OSBPL10: variants seen among roughly 807,000 people sequenced by gnomAD.
OSBPL10 encodes the protein oxysterol-binding protein-related protein 10.
OSBPL10 carries 49 observed loss-of-function variants against 81.7 expected under a neutral mutation model. The observed-to-expected ratio is 0.60, with a 90% CI of 0.48 to 0.76. OSBPL10 has a LOEUF of 0.76. Ranked by LOEUF, OSBPL10 falls within the 30% of genes least tolerant of loss-of-function variation. The probability of loss-of-function intolerance (pLI) is 0.00; values close to 1 mark genes in which losing one functional copy is unlikely to be tolerated. For synonymous variants in OSBPL10, 419 were observed against 383.6 expected, an observed-to-expected ratio of 1.09 and a Z score of -1.08; for missense variants, 923 against 987.8, an observed-to-expected ratio of 0.93 and a Z score of 0.88.
intron 4 of OSBPL10, among the ~76,000 whole-genome samples, chr3:31,760,251 A>G (rs1697994124): frequency 6.6e-6 from 1 of 152,054 alleles, no homozygotes; most frequent in Non-Finnish European, 1.5e-5. Context: ...GTGAAAGGAG[A>G]GGCAGTCACA....
At chr3:31,894,212 G>T (rs1695990796) in intron 1 of OSBPL10, among the ~76,000 whole-genome samples, 1 of 152,206 alleles carries the variant, frequency 6.6e-6, no homozygotes, top group African/African-American at 2.4e-5. Context: ...AGCGGTCGGA[G>T]TTGGAGATGT....
intron 1 of OSBPL10, among the ~76,000 whole-genome samples, chr3:31,964,844 C>A (rs538812886): frequency 6.6e-6 from 1 of 152,088 alleles, no homozygotes. Context: ...AAAGAACACA[C>A]AAATTCAGGG....
chr3:31,802,557 A>G (rs1417839267), intron 4 of OSBPL10, among the ~76,000 whole-genome samples: 1 of 149,582 alleles, frequency 6.7e-6, no homozygotes, highest in African/African-American at 2.5e-5. Context: ...ATCAAAAAAA[A>G]AAAAAAAAAA....
rs1291472429 is a variant in OSBPL10 at position 31,757,260 on chromosome 3, CTTGAGGGT to C, written c.730-9148_730-9141del. Among the ~76,000 whole-genome samples the C allele has an allele frequency of 9.2e-5, 14 of 152,226 alleles. No individual in the cohort carries two copies. In the East Asian group the frequency reaches 2.7e-3, roughly 29 times the overall value. On this transcript the variant is annotated intron_variant, in intron 4 of 11. Transcript: ENST00000396556. ...TAAAGGGAATCAAGATAAATAAGAT[CTTGAGGGT>C]GGTCCCTAATCCGGTATGACTGGTG...
rs187455431 is a variant in OSBPL10 at position 31,870,220 on chromosome 3, C to G, written c.537+6213G>C. Among the ~76,000 whole-genome samples the G allele has an allele frequency of 4.7e-3, 718 of 152,350 alleles. 2 individuals carry two copies. Among genetic ancestry groups the G allele is most frequent in the African/African-American group, 0.016 (667 of 41,590 alleles). On this transcript the variant is annotated intron_variant, in intron 3 of 11. Coordinates refer to ENST00000396556, the MANE Select transcript of OSBPL10 (RefSeq NM_017784.5). ...TGGAGGGCCCCGCACTCCGAGCAGC[C>G]GGCGGGCCTCCCGGCCCGGGCAGTG...
intron 4 of OSBPL10, among the ~76,000 whole-genome samples, chr3:31,799,528 G>A (rs1233835622): frequency 1.3e-5 from 2 of 150,086 alleles, no homozygotes; most frequent in African/African-American, 4.9e-5. Context: ...CTAGTGCCTC[G>A]TTTGTAAAAT....
chr3:31,817,913 C>T (rs1278364674), intron 4 of OSBPL10, among the ~76,000 whole-genome samples: 5 of 152,142 alleles, frequency 3.3e-5, no homozygotes, highest in African/African-American at 1.2e-4. Context: ...GAGACCAGCC[C>T]GGTCAACCTT....
chr3:31,802,329 G>A lies in OSBPL10; in HGVS notation c.729+27711C>T, dbSNP rs1270024609. The stretch of plus-strand genomic sequence containing the variant: ...TCCCAGCACTTTGGGAGGCCAAGGC[G>A]GACAGATCATCTGAGGTCAGGAGTT... On this transcript the variant is annotated intron_variant, in intron 4 of 11. Coordinates refer to ENST00000396556, the MANE Select transcript of OSBPL10 (RefSeq NM_017784.5). Among the ~76,000 whole-genome samples the A allele has an allele frequency of 4.6e-5, 7 of 151,306 alleles. 1 individual carries two copies. The South Asian group carries it at 6.3e-4, about 14-fold the overall frequency.
chr3:32,034,860 C>T (rs1030069778), intron 2 of OSBPL10, among the ~76,000 whole-genome samples: 9 of 152,180 alleles, frequency 5.9e-5, no homozygotes, highest in South Asian at 2.1e-4. Context: ...AATCAATTTA[C>T]AACTACATAA....
chr3:31,897,732 A>T (rs1408634927), intron 1 of OSBPL10, among the ~76,000 whole-genome samples: 1 of 152,150 alleles, frequency 6.6e-6, no homozygotes, highest in African/African-American at 2.4e-5. Flanking sequence ...AAACGAGGCC[A>T]GGCACAGTGG....
intron 4 of OSBPL10, among the ~76,000 whole-genome samples, chr3:31,771,022 TACCTGTA>T (rs1698365630): frequency 6.6e-6 from 1 of 152,178 alleles, no homozygotes; most frequent in Non-Finnish European, 1.5e-5. Context: ...TCAGTTTCCT[TACCTGTA>T]AAATGGGGCT....
At chr3:31,863,067 G>A (rs1403234092) in intron 3 of OSBPL10, among the ~76,000 whole-genome samples, 2 of 152,112 alleles carry the variant, frequency 1.3e-5, no homozygotes, top group Non-Finnish European at 2.9e-5. Context: ...TCCATACAAC[G>A]GGATATTAGT....
At chr3:31,927,172 C>G (rs115718356) in intron 1 of OSBPL10, among the ~76,000 whole-genome samples, 2 of 152,010 alleles carry the variant, frequency 1.3e-5, no homozygotes, top group African/African-American at 4.8e-5. Context: ...CTGGACCCTT[C>G]CCAAGTCACT....
chr3:31,822,745 A>C (rs575898047), intron 4 of OSBPL10, among the ~76,000 whole-genome samples: 1 of 151,928 alleles, frequency 6.6e-6, no homozygotes, highest in East Asian at 1.9e-4. Context: ...CCCCATATTT[A>C]CAAAAAACTT....
In OSBPL10 at chr3:31,799,381, A is replaced by T. The variant is rs1414424096; in HGVS notation, c.729+30659T>A. ...ACATAGCAAGACCCCTATCTCTTTA[A>T]AAAAAAAAAAAAAAAAAAAAAAAAA... On this transcript the variant is annotated intron_variant, in intron 4 of 11. Coordinates refer to ENST00000396556, the MANE Select transcript of OSBPL10 (RefSeq NM_017784.5). Among the ~76,000 whole-genome samples the T allele has an allele frequency of 1.1e-3, 131 of 121,684 alleles. 1 individual carries two copies. Among genetic ancestry groups the T allele is most frequent in the African/African-American group, 5.8e-3 (129 of 22,226 alleles). The allele number at this position is 121,684 out of a possible 152,430, so 79.8% of individuals were successfully genotyped here. A position where few individuals can be genotyped will look rare whatever the true frequency, so the allele number is the denominator to read the frequency against.
intron 2 of OSBPL10, among the ~76,000 whole-genome samples, chr3:32,032,253 T>C (rs1699476517): frequency 6.6e-6 from 1 of 152,018 alleles, no homozygotes; most frequent in Admixed American, 6.6e-5. Context: ...ACCCCATCTC[T>C]ACTAAAAATA....
chr3:31,900,771 CCTT>C (rs1696213033), intron 1 of OSBPL10, among the ~76,000 whole-genome samples: 4 of 152,292 alleles, frequency 2.6e-5, no homozygotes, highest in East Asian at 3.9e-4. Context: ...CCTTTTCCTG[CCTT>C]ACTGCAAAGC....
intron 1 of OSBPL10, among the ~76,000 whole-genome samples, chr3:31,948,559 T>A (rs922471167): frequency 6.6e-5 from 10 of 152,196 alleles, no homozygotes; most frequent in African/African-American, 2.4e-4. Context: ...TCATCCTCCG[T>A]CATATAACTA....
At chr3:31,879,364 G>C (rs1701562823) in intron 2 of OSBPL10, 1 of 297,350 alleles carries the variant, frequency 3.4e-6, no homozygotes, top group African/African-American at 2.2e-5. Flanking sequence ...ACGTCAAAGA[G>C]AATATACTGA....
Sources: gnomAD v4.1 joint callset for allele counts (sites outside exome capture counted in the v4.1 genomes callset) on GRCh38, gnomAD v4.1.1 for gene constraint, MANE v1.5 for transcripts, NCBI Gene and HGNC (gene_info 2026-07-23, HGNC 2026-07-21) for gene names.